Variants in ITGA1 observed in about 807,000 individuals in gnomAD.
ITGA1 encodes the protein integrin subunit alpha 1, also known as integrin alpha-1.
A neutral mutation model predicts 145.9 loss-of-function variants in ITGA1; 85 were observed. The ratio of observed to expected loss-of-function variants is 0.58; its 90% CI spans 0.49 to 0.70. The LOEUF (loss-of-function observed/expected upper bound fraction) is 0.70. ITGA1 is among the 30% of genes least tolerant of loss of function. The pLI is 0.00. For missense variants in ITGA1, 1,351 were observed against 1,418.7 expected, an observed-to-expected ratio of 0.95 and a Z score of 0.77; for synonymous variants, 520 against 495.3, an observed-to-expected ratio of 1.05 and a Z score of -0.66.
intron 6 of ITGA1, among the ~76,000 whole-genome samples, chr5:52,876,613 G>A (rs577762159): frequency 3.0e-4 from 45 of 151,992 alleles, no homozygotes; most frequent in African/African-American, 9.4e-4. Flanking sequence ...TTGCTTATGC[G>A]AAATGTTACA....
chr5:52,872,015 C>T (rs1340301277), intron 6 of ITGA1, among the ~76,000 whole-genome samples: 3 of 152,098 alleles, frequency 2.0e-5, no homozygotes, highest in Admixed American at 1.3e-4. Context: ...AATAAGTGTG[C>T]ATTACCCTAA....
chr5:52,902,741 T>C (rs1177645018), intron 11 of ITGA1: 1 of 152,062 alleles, frequency 6.6e-6, no homozygotes, highest in Non-Finnish European at 1.5e-5. Flanking sequence ...CCCCGGCTAA[T>C]TTTTTATATT....
rs146917086 is a variant in ITGA1, at chr5:52,814,356, T to C, written c.61+25942T>C. Among the ~76,000 whole-genome samples the C allele has an allele frequency of 5.9e-3, 901 of 152,186 alleles. 11 individuals carry two copies. Among genetic ancestry groups the C allele is most frequent in the African/African-American group, 0.021 (868 of 41,528 alleles). On this transcript the variant is annotated intron_variant, in intron 1 of 28. Transcript: ENST00000282588. ...TTTCGCCATGTTGACCAGGCTGGTC[T>C]CAAACTTCTAACCTCAGGTGATCTG...
intron 9 of ITGA1, among the ~76,000 whole-genome samples, chr5:52,894,158 T>C (rs1579703242): frequency 6.6e-6 from 1 of 152,152 alleles, no homozygotes; most frequent in Admixed American, 6.5e-5. Flanking sequence ...TTCTGTTACA[T>C]AGATTTGGAA....
In ITGA1 at chr5:52,937,456, C is replaced by G; in HGVS notation, c.3020C>G (p.Pro1007Arg). The G allele has an allele frequency of 6.2e-7, 1 of 1,613,840 alleles. No individual in the cohort carries two copies. Among genetic ancestry groups the G allele is most frequent in the Non-Finnish European group, 8.5e-7 (1 of 1,179,784 alleles). ...MPELKLSISFPNMTSNGYPVL... is the reference protein window; with the variant it reads ...MPELKLSISFRNMTSNGYPVL... ...GAGCTTAAGCTGTCAATTTCATTCCCCAATATGACATCAAATGGTTACCCT... is the reference window on the plus strand; with the variant it reads ...GAGCTTAAGCTGTCAATTTCATTCCGCAATATGACATCAAATGGTTACCCT... Residue 1007 changes from proline to arginine, a missense_variant, in exon 24 of 29, where the codon CCC becomes CGC. By Grantham distance (103) the Pro-to-Arg change is moderately radical (BLOSUM62 -2). Transcript: ENST00000282588.
At chr5:52,835,308 T>G (rs190420726) in intron 1 of ITGA1, among the ~76,000 whole-genome samples, 67 of 152,284 alleles carry the variant, frequency 4.4e-4, no homozygotes, top group Non-Finnish European at 5.9e-4. Flanking sequence ...GACTAGTACA[T>G]GTAAACCAGT....
chr5:52,857,928 T>C (rs992104603), intron 2 of ITGA1, among the ~76,000 whole-genome samples: 4 of 152,278 alleles, frequency 2.6e-5, no homozygotes, highest in Middle Eastern at 3.4e-3. Context: ...TCTATACTTA[T>C]GCATACTTGG....
rs752835656 is a variant in ITGA1, at chr5:52,944,944, C to T, written c.3287C>T (p.Ser1096Leu). Residue 1096 changes from serine to leucine, a missense_variant and splice_region_variant, in exon 27 of 29, where the codon TCA (serine) becomes TTA (leucine). By Grantham distance (145) the Ser-to-Leu change is moderately radical. Coordinates refer to ENST00000282588, the MANE Select transcript of ITGA1 (RefSeq NM_181501.2). The stretch of plus-strand genomic sequence containing the variant: ...GAACAAATCCTATTTGCTTTTCAGT[C>T]ATATTTTTCCAGCTTAAATCTTACT... ...LILWKPTFIK[S>L]YFSSLNLTIR... The T allele has an allele frequency of 1.4e-5, 23 of 1,604,796 alleles. No homozygotes were observed. The African/African-American group carries it at 2.9e-4, about 21-fold the overall frequency.
rs1424975398 is a variant in ITGA1 at position 52,939,954 on chromosome 5, T to C, written c.3285+10T>C. ...ACCAACTTTTATAAAAGTAAGTAAA[T>C]ACATAGTTCTATGCACTTATTGAAT... On this transcript the variant is annotated intron_variant, in intron 26 of 28. Transcript: ENST00000282588. 16 of 1,378,492 alleles carry C rather than the reference T, an allele frequency of 1.2e-5. No homozygotes were observed. The highest frequency in any genetic ancestry group is 1.7e-5 in the Non-Finnish European group (16 of 965,530). The allele number at this position is 1,378,492 out of a possible 1,614,324, so 85.4% of individuals were successfully genotyped here. A position where few individuals can be genotyped will look rare whatever the true frequency, so the allele number is the denominator to read the frequency against.
At chr5:52,800,525 T>A in intron 1 of ITGA1, 1 of 1,614,038 alleles carries the variant, frequency 6.2e-7, no homozygotes, top group Non-Finnish European at 8.5e-7. Flanking sequence ...GCCTCCACCA[T>A]CCGCAAGGTA....
chr5:52,915,011 G>A (rs1579717859), intron 14 of ITGA1, among the ~76,000 whole-genome samples: 1 of 152,138 alleles, frequency 6.6e-6, no homozygotes, highest in Non-Finnish European at 1.5e-5. Context: ...GATGGGATGT[G>A]TTATTTATAC....
chr5:52,798,792 G>A (rs533011334), intron 1 of ITGA1, among the ~76,000 whole-genome samples: 2 of 152,238 alleles, frequency 1.3e-5, no homozygotes, highest in South Asian at 4.1e-4. Context: ...ACATTGCCAT[G>A]GTAAATTTTC....
rs1193678556 is a variant in ITGA1 at position 52,955,972 on chromosome 5, C to T, written c.*3521C>T. ...ATATATATATATACACATACACTCA[C>T]ATGCAGATATTTACATATATAGATA... On this transcript the variant is annotated 3_prime_UTR_variant, in exon 29 of 29. Transcript: ENST00000282588. The T allele has an allele frequency of 6.6e-6, 1 of 151,832 alleles. No homozygotes were observed. The allele number at this position is 151,832 out of a possible 1,614,324, so 9.4% of individuals were successfully genotyped here.
chr5:52,899,882 C>G (rs1750287450), intron 11 of ITGA1, among the ~76,000 whole-genome samples: 1 of 152,160 alleles, frequency 6.6e-6, no homozygotes, highest in African/African-American at 2.4e-5. Context: ...CTGCCTATGG[C>G]AGGTGTGAAA....
chr5:52,808,676 C>CTTTCTTTTTTT (rs1554041033), intron 1 of ITGA1, among the ~76,000 whole-genome samples: 650 of 69,422 alleles, frequency 9.4e-3, no homozygotes, highest in African/African-American at 0.015. Context: ...TTCTTTCTTT[C>CTTTCTTTTTTT]TTTTTTTTTT....
At chr5:52,902,875 C>T (rs1222211406) in intron 11 of ITGA1, 1 of 152,060 alleles carries the variant, frequency 6.6e-6, no homozygotes, top group African/African-American at 2.4e-5. Flanking sequence ...GCGCCCAGCC[C>T]TTTTCTTCCA....
intron 1 of ITGA1, among the ~76,000 whole-genome samples, chr5:52,799,699 G>A (rs903940421): frequency 3.9e-5 from 6 of 152,242 alleles, no homozygotes; most frequent in Admixed American, 1.3e-4. Context: ...TGTAGCGTCC[G>A]AGTGCGGATA....
chr5:52,926,379 A>G (rs1750809042), intron 19 of ITGA1, among the ~76,000 whole-genome samples: 2 of 152,064 alleles, frequency 1.3e-5, no homozygotes, highest in Admixed American at 1.3e-4. Flanking sequence ...GAGGCGGGCA[A>G]ATCACGGGGT....
At chr5:52,832,833 A>C in intron 1 of ITGA1, among the ~76,000 whole-genome samples, 1 of 13,000 alleles carries the variant, frequency 7.7e-5, no homozygotes, top group Non-Finnish European at 3.0e-4. Context: ...TATTTCTCAA[A>C]AGAGTTTTTT....
Sources: gnomAD v4.1 joint callset for allele counts (sites outside exome capture counted in the v4.1 genomes callset) on GRCh38, gnomAD v4.1.1 for gene constraint, MANE v1.5 for transcripts, NCBI Gene and HGNC (gene_info 2026-07-23, HGNC 2026-07-21) for gene names.